Variants in AFAP1 observed in about 807,000 individuals in gnomAD.
The protein encoded by AFAP1 is actin filament associated protein 1.
In AFAP1, 75 loss-of-function variants were observed where a neutral mutation model predicts 93.9. The ratio of observed to expected loss-of-function variants is 0.80; its 90% CI spans 0.66 to 0.97. The LOEUF (loss-of-function observed/expected upper bound fraction) is 0.97, where lower values mean the gene tolerates loss of function less well. Ranked by LOEUF, AFAP1 falls within the 50% of genes least tolerant of loss-of-function variation. AFAP1 has a pLI of 0.00. For missense variants in AFAP1, 1,201 were observed against 1,050.8 expected (o/e 1.14, Z -1.98); for synonymous variants, 517 against 430.7 (o/e 1.20, Z -2.48).
At chr4:7,919,084 G>A (rs1720290169) in intron 1 of AFAP1, among the ~76,000 whole-genome samples, 1 of 152,076 alleles carries the variant, frequency 6.6e-6, no homozygotes, top group Admixed American at 6.5e-5. Context: ...CCAAGAAACA[G>A]GGCTGCCAGA....
At chr4:7,867,092 GGAGGAGAGGGGAGTA>G (rs1716495103) in intron 3 of AFAP1, among the ~76,000 whole-genome samples, 1 of 98,474 alleles carries the variant, frequency 1.0e-5, no homozygotes, top group Non-Finnish European at 2.2e-5. Context: ...GGAGGAGAGG[GGAGGAGAGGGGAGTA>G]GAGGGGAGGG....
intron 3 of AFAP1, among the ~76,000 whole-genome samples, chr4:7,865,937 C>T (rs1007537501): frequency 1.3e-5 from 2 of 152,250 alleles, no homozygotes; most frequent in African/African-American, 2.4e-5. Context: ...GGTCTTGTTA[C>T]GCAGGCTGGA....
chr4:7,793,144 T>A (rs1316602128), intron 11 of AFAP1, among the ~76,000 whole-genome samples: 1 of 150,794 alleles, frequency 6.6e-6, no homozygotes, highest in African/African-American at 2.5e-5. Flanking sequence ...AAAGGACGTT[T>A]TTATAGATGA....
At chr4:7,791,000 T>G (rs1717815423) in intron 11 of AFAP1, among the ~76,000 whole-genome samples, 1 of 152,228 alleles carries the variant, frequency 6.6e-6, no homozygotes, top group South Asian at 2.1e-4. Flanking sequence ...TGAGAACTAT[T>G]TCTTAGCCCC....
chr4:7,861,272 CA>C (rs1426713116), intron 3 of AFAP1, among the ~76,000 whole-genome samples: 2 of 152,214 alleles, frequency 1.3e-5, no homozygotes, highest in Non-Finnish European at 2.9e-5. Flanking sequence ...TGTATTTCAG[CA>C]GCACCCTACG....
At position 7,807,585 on chromosome 4, in the gene AFAP1, A is replaced by G. The variant is rs150795689; in HGVS notation, c.1054+2029T>C. On this transcript the variant is annotated intron_variant, in intron 9 of 17. Coordinates refer to ENST00000420658, the MANE Select transcript of AFAP1 (RefSeq NM_001134647.2). ...TTTGACCAAGTTCAGGGAGCTTGGA[A>G]CGCACCAGGCTCCTCGGTTACCCTT... is the stretch of plus-strand genomic sequence containing the variant. 9.5e-4 allele frequency among the ~76,000 whole-genome samples: 145 copies of G among 152,348 alleles called. 1 individual carries two copies. The highest frequency in any genetic ancestry group is 1.7e-3 in the Non-Finnish European group (115 of 68,034).
intron 2 of AFAP1, among the ~76,000 whole-genome samples, chr4:7,869,897 A>G (rs1716877330): frequency 6.6e-6 from 1 of 152,204 alleles, no homozygotes; most frequent in African/African-American, 2.4e-5. Flanking sequence ...CAAATTAAAG[A>G]GCTGAAGAAA....
intron 1 of AFAP1, among the ~76,000 whole-genome samples, chr4:7,901,263 G>A (rs1719100013): frequency 6.6e-6 from 1 of 152,200 alleles, no homozygotes; most frequent in Admixed American, 6.5e-5. Context: ...AGCCAAGGGT[G>A]CCTATTGCAC....
At chr4:7,853,323 C>T (rs1322844288) in intron 4 of AFAP1, among the ~76,000 whole-genome samples, 2 of 151,692 alleles carry the variant, frequency 1.3e-5, no homozygotes, top group African/African-American at 2.4e-5. Context: ...TCCCAAAATT[C>T]CCTTTCTTAG....
At chr4:7,772,153 G>C (rs1715532031) in intron 16 of AFAP1, 1 of 152,238 alleles carries the variant, frequency 6.6e-6, no homozygotes, top group African/African-American at 2.4e-5. Flanking sequence ...CTGGAACAGG[G>C]GCTGAAGTCC....
chr4:7,819,768 A>C (rs1235507880), intron 6 of AFAP1, among the ~76,000 whole-genome samples: 1 of 152,098 alleles, frequency 6.6e-6, no homozygotes, highest in Non-Finnish European at 1.5e-5. Context: ...GAGAAGACAG[A>C]CCCTAGGAGC....
intron 1 of AFAP1, among the ~76,000 whole-genome samples, chr4:7,880,223 C>G (rs1717760231): frequency 6.6e-6 from 1 of 151,192 alleles, no homozygotes; most frequent in Non-Finnish European, 1.5e-5. Context: ...CTTTATTTAC[C>G]TTCATGACTC....
chr4:7,919,587 T>C (rs1720320717), intron 1 of AFAP1, among the ~76,000 whole-genome samples: 1 of 152,262 alleles, frequency 6.6e-6, no homozygotes, highest in Non-Finnish European at 1.5e-5. Context: ...CTTTGGGATT[T>C]TCTGTTTCAC....
At chr4:7,779,356 G>A (rs1031375054) in intron 13 of AFAP1, among the ~76,000 whole-genome samples, 1 of 152,172 alleles carries the variant, frequency 6.6e-6, no homozygotes, top group Admixed American at 6.5e-5. Context: ...CCTTCTTATC[G>A]CCGACGGAGT....
At chr4:7,879,377 A>T (rs1717705055) in intron 1 of AFAP1, among the ~76,000 whole-genome samples, 1 of 152,194 alleles carries the variant, frequency 6.6e-6, no homozygotes. Flanking sequence ...AGCTAACAAG[A>T]GCCATATCTA....
In AFAP1 at chr4:7,869,294, G is replaced by A. The variant is rs552626030; in HGVS notation, c.128-575C>T. ...GAAAGCACTCATAGATGGAAATGGC[G>A]GCACTAGTGCCAGAGCCTGCATGCT... On this transcript the variant is annotated intron_variant, in intron 2 of 17. Coordinates refer to ENST00000420658, the MANE Select transcript of AFAP1 (RefSeq NM_001134647.2). Among the ~76,000 whole-genome samples the A allele has an allele frequency of 8.0e-4, 122 of 152,248 alleles. 1 individual carries two copies. Among genetic ancestry groups the A allele is most frequent in the Middle Eastern group, 3.4e-3 (1 of 294 alleles).
At chr4:7,899,202 T>G (rs773693163) in intron 1 of AFAP1, among the ~76,000 whole-genome samples, 60 of 152,002 alleles carry the variant, frequency 3.9e-4, no homozygotes, top group Admixed American at 2.0e-4. Flanking sequence ...GATAGGGCAA[T>G]GAATGAACTA....
intron 5 of AFAP1, among the ~76,000 whole-genome samples, chr4:7,839,982 G>A (rs1712792374): frequency 1.3e-5 from 2 of 152,116 alleles, no homozygotes; most frequent in African/African-American, 2.4e-5. Flanking sequence ...CTGCTACCAA[G>A]TGCTGAATGT....
intron 10 of AFAP1, chr4:7,798,829 C>A: frequency 1.1e-6 from 1 of 946,874 alleles, no homozygotes; most frequent in South Asian, 4.6e-5. Flanking sequence ...CTTCCACCCA[C>A]CCCCACCGCA....
Sources: allele counts gnomAD v4.1 joint callset (sites outside exome capture counted in the v4.1 genomes callset), GRCh38; gene constraint gnomAD v4.1.1; transcripts MANE v1.5; gene names NCBI Gene and HGNC (gene_info 2026-07-23, HGNC 2026-07-21).